Variants in TCERG1L observed in about 807,000 individuals in gnomAD.
TCERG1L encodes transcription elongation regulator 1 like, also known as transcription elongation regulator 1-like protein.
Under a neutral mutation model 56.3 loss-of-function variants are expected in TCERG1L, and 37 were observed. The ratio of observed to expected loss-of-function variants is 0.66; its 90% CI spans 0.51 to 0.87. TCERG1L has a LOEUF of 0.87. Ranked by LOEUF, TCERG1L falls within the 40% of genes least tolerant of loss-of-function variation. The pLI is 0.00. For synonymous variants in TCERG1L, 324 were observed against 326.3 expected, an observed-to-expected ratio of 0.99 and a Z score of 0.08; for missense variants, 799 against 774.2, an observed-to-expected ratio of 1.03 and a Z score of -0.38.
intron 3 of TCERG1L, among the ~76,000 whole-genome samples, chr10:131,282,653 A>T (rs1489201541): frequency 6.6e-6 from 1 of 152,212 alleles, no homozygotes; most frequent in Non-Finnish European, 1.5e-5. Flanking sequence ...CCCCCAGCAC[A>T]TATACCAGTA....
Position 131,294,743 on chromosome 10 carries a change from C to T in TCERG1L, c.670+13468G>A, listed in dbSNP as rs1409356044. Among the ~76,000 whole-genome samples, 6 of 152,206 alleles carry T rather than the reference C, an allele frequency of 3.9e-5. No homozygotes were observed. The East Asian group carries it at 5.8e-4, about 15-fold the overall frequency. On this transcript the variant is annotated intron_variant, in intron 3 of 11. Coordinates refer to ENST00000368642, the MANE Select transcript of TCERG1L (RefSeq NM_174937.4). ...TACTTAAAAATACTAAATACATAGT[C>T]GGTGTTTTCTTCTATTGTCCATTTT...
intron 4 of TCERG1L, among the ~76,000 whole-genome samples, chr10:131,248,808 G>A (rs190694966): frequency 6.6e-5 from 10 of 152,310 alleles, no homozygotes; most frequent in Non-Finnish European, 1.5e-4. Context: ...GTCATGCCCG[G>A]CAGAGGCTCC....
chr10:131,096,542 C>G (rs1296536008), intron 11 of TCERG1L, among the ~76,000 whole-genome samples: 3 of 152,054 alleles, frequency 2.0e-5, no homozygotes, highest in African/African-American at 7.3e-5. Context: ...TCTTGATCAA[C>G]CAAATCACAG....
rs187894032 is a variant in TCERG1L, at chr10:131,202,179, G to A, written c.857-35294C>T. Reference sequence around the variant, plus strand: ...GACCACATGAAGGAGCACAGAGAACGTACACGCTCAACTGATTGTAACAGC... The same window carrying A: ...GACCACATGAAGGAGCACAGAGAACATACACGCTCAACTGATTGTAACAGC... On this transcript the variant is annotated intron_variant, in intron 4 of 11. Coordinates refer to ENST00000368642, the MANE Select transcript of TCERG1L (RefSeq NM_174937.4). Among the ~76,000 whole-genome samples, 11 of 152,312 alleles carry A rather than the reference G, an allele frequency of 7.2e-5. No homozygotes were observed. The East Asian group carries it at 7.7e-4, about 11-fold the overall frequency.
chr10:131,277,110 T>A (rs989257665), intron 3 of TCERG1L, among the ~76,000 whole-genome samples: 2 of 152,070 alleles, frequency 1.3e-5, no homozygotes, highest in Non-Finnish European at 2.9e-5. Context: ...TGGTGGGGAC[T>A]GAGGAAAACA....
chr10:131,181,073 G>A (rs1232262108), intron 4 of TCERG1L, among the ~76,000 whole-genome samples: 1 of 152,202 alleles, frequency 6.6e-6, no homozygotes, highest in Admixed American at 6.5e-5. Flanking sequence ...CCCTGCCACT[G>A]CCCGCCACAG....
chr10:131,122,075 C>T lies in TCERG1L; in HGVS notation c.1260-5141G>A, dbSNP rs181277729. The stretch of plus-strand genomic sequence containing the variant: ...CACACACTGCCAGCCTCCCCAAGGG[C>T]GCTTTGGCAGAATGGTTTGCTGGGA... On this transcript the variant is annotated intron_variant, in intron 8 of 11. Transcript: ENST00000368642. Among the ~76,000 whole-genome samples, 66 of 152,338 alleles carry T rather than the reference C, an allele frequency of 4.3e-4. No homozygotes were observed. The East Asian group carries it at 0.011, about 26-fold the overall frequency.
At chr10:131,304,546 G>A (rs188113385) in intron 3 of TCERG1L, among the ~76,000 whole-genome samples, 2 of 152,060 alleles carry the variant, frequency 1.3e-5, no homozygotes, top group Admixed American at 1.3e-4. Flanking sequence ...TGGTGACTGT[G>A]GGGCAGGTGG....
intron 9 of TCERG1L, among the ~76,000 whole-genome samples, chr10:131,116,126 A>T (rs942136391): frequency 1.1e-4 from 16 of 152,214 alleles, no homozygotes; most frequent in African/African-American, 3.6e-4. Flanking sequence ...CCTCTGGCTC[A>T]TTTTATACCC....
intron 3 of TCERG1L, among the ~76,000 whole-genome samples, chr10:131,289,093 C>G (rs1175031356): frequency 1.3e-5 from 2 of 151,774 alleles, no homozygotes; most frequent in Non-Finnish European, 2.9e-5. Flanking sequence ...AAACATGATT[C>G]AGATAAACTG....
intron 4 of TCERG1L, among the ~76,000 whole-genome samples, chr10:131,244,791 C>G (rs189842687): frequency 6.6e-6 from 1 of 152,102 alleles, no homozygotes; most frequent in African/African-American, 2.4e-5. Context: ...TCAACAGTGC[C>G]GTGGACTAGT....
rs185619267 is a variant in TCERG1L, at chr10:131,197,939, C to T, written c.857-31054G>A. On this transcript the variant is annotated intron_variant, in intron 4 of 11. Coordinates refer to ENST00000368642, the MANE Select transcript of TCERG1L (RefSeq NM_174937.4). ...TGCTCTTACATTTTGGGGCTGTGTC[C>T]TTGTCAAACATCTCTGCATACAAAA... is the stretch of plus-strand genomic sequence containing the variant. 8.5e-5 allele frequency among the ~76,000 whole-genome samples: 13 copies of T among 152,308 alleles called. No individual in the cohort carries two copies. In the East Asian group the frequency reaches 2.3e-3, roughly 27 times the overall value.
At chr10:131,094,039 G>A (rs560475913) in intron 11 of TCERG1L, among the ~76,000 whole-genome samples, 11 of 152,344 alleles carry the variant, frequency 7.2e-5, no homozygotes, top group South Asian at 2.1e-4. Flanking sequence ...AAGAAAATGC[G>A]AGCGACCCAG....
At chr10:131,174,977 C>CCTGTTACCTGAA in intron 4 of TCERG1L, among the ~76,000 whole-genome samples, 2 of 152,224 alleles carry the variant, frequency 1.3e-5, no homozygotes, top group Non-Finnish European at 2.9e-5. Flanking sequence ...GGACCCCACC[C>CCTGTTACCTGAA]CCGCAATTGG....
At chr10:131,208,604 G>A (rs890600119) in intron 4 of TCERG1L, among the ~76,000 whole-genome samples, 7 of 152,214 alleles carry the variant, frequency 4.6e-5, no homozygotes, top group Non-Finnish European at 5.9e-5. Context: ...ACCGTTTCTA[G>A]GGAGGGGGAA....
chr10:131,129,925 C>T (rs530037008), intron 8 of TCERG1L, among the ~76,000 whole-genome samples: 8 of 152,126 alleles, frequency 5.3e-5, no homozygotes, highest in Admixed American at 1.3e-4. Context: ...GAGACTTCCA[C>T]GAACTTTTAA....
intron 4 of TCERG1L, among the ~76,000 whole-genome samples, chr10:131,242,296 G>C (rs1273240465): frequency 6.6e-6 from 1 of 152,140 alleles, no homozygotes; most frequent in African/African-American, 2.4e-5. Flanking sequence ...GGGGCCTCCA[G>C]GGAAAAAGGA....
Position 131,168,070 on chromosome 10 carries a change from G to C in TCERG1L, c.857-1185C>G, listed in dbSNP as rs550214484. Reference sequence around the variant, plus strand: ...AGCTTGATCCAGAGCTCAAGACTGGGCAGTGCAGTCAGGGAGGCCTGGGTA... The same window carrying C: ...AGCTTGATCCAGAGCTCAAGACTGGCCAGTGCAGTCAGGGAGGCCTGGGTA... On this transcript the variant is annotated intron_variant, in intron 4 of 11. Coordinates refer to ENST00000368642, the MANE Select transcript of TCERG1L (RefSeq NM_174937.4). Among the ~76,000 whole-genome samples the C allele has an allele frequency of 1.9e-4, 29 of 152,324 alleles. 1 individual carries two copies. Among genetic ancestry groups the C allele is most frequent in the Middle Eastern group, 3.4e-3 (1 of 294 alleles).
chr10:131,226,535 T>C (rs1476415757), intron 4 of TCERG1L, among the ~76,000 whole-genome samples: 1 of 152,168 alleles, frequency 6.6e-6, no homozygotes, highest in Admixed American at 6.5e-5. Context: ...AAATTAGGAT[T>C]ACAGCCATGA....
Sources: gnomAD v4.1 joint callset for allele counts (sites outside exome capture counted in the v4.1 genomes callset) on GRCh38, gnomAD v4.1.1 for gene constraint, MANE v1.5 for transcripts, NCBI Gene and HGNC (gene_info 2026-07-23, HGNC 2026-07-21) for gene names.